The following N4BP2L2 variants were observed in gnomAD, a reference collection of about 807,000 sequenced individuals.
The protein encoded by N4BP2L2 is NEDD4 binding protein 2 like 2.
In N4BP2L2, 50 loss-of-function variants were observed where a neutral mutation model predicts 56.2. That is an observed-to-expected ratio of 0.89 (90% CI 0.71 to 1.13). N4BP2L2 has a LOEUF of 1.13. Among genes scored for constraint, N4BP2L2 ranks in the 50% most tolerant of loss-of-function variants. The pLI is 0.00. For synonymous variants in N4BP2L2, 203 were observed against 223.6 expected, an observed-to-expected ratio of 0.91 and a Z score of 0.82; for missense variants, 689 against 693.8, an observed-to-expected ratio of 0.99 and a Z score of 0.08.
At chr13:32,436,323 A>T in intron 9 of N4BP2L2, 1 of 962,924 alleles carries the variant, frequency 1.0e-6, no homozygotes, top group Non-Finnish European at 1.5e-6. Context: ...TAACTATTTT[A>T]TGATCAAACA....
rs749078055 is a variant in N4BP2L2 at position 32,536,695 on chromosome 13, G to A, written c.333C>T (p.Ser111=). Reference sequence around the variant, plus strand: ...TTGTGCTATATATCTCATCGTCTGCGGATACTAATGGAGGACGTGCTTCCT... The same window carrying A: ...TTGTGCTATATATCTCATCGTCTGCAGATACTAATGGAGGACGTGCTTCCT... The change falls in exon 2 of 6, where the codon TCC becomes TCT. Residue 111 remains serine, a synonymous_variant. Transcript: ENST00000267068. 1.9e-5 allele frequency: 30 copies of A among 1,613,868 alleles called. No individual in the cohort carries two copies. The East Asian group carries it at 2.7e-4, about 14-fold the overall frequency.
At chr13:32,511,737 A>G (rs2048181985) in exon 6 of N4BP2L2, 1 of 152,186 alleles carries the variant, frequency 6.6e-6, no homozygotes, top group East Asian at 1.9e-4. Flanking sequence ...CTTCATTAAG[A>G]ATGTTATGAG....
exon 6 of N4BP2L2, chr13:32,514,115 C>T (rs2048694597): frequency 1.3e-5 from 2 of 152,154 alleles, no homozygotes; most frequent in South Asian, 2.1e-4. Context: ...TTAAATCACC[C>T]ACTCCAACAA....
At chr13:32,444,950 A>T (rs2076812891) in intron 6 of N4BP2L2, among the ~76,000 whole-genome samples, 1 of 152,236 alleles carries the variant, frequency 6.6e-6, no homozygotes, top group African/African-American at 2.4e-5. Context: ...GTATTTGTGT[A>T]TATAAACATA....
intron 6 of N4BP2L2, among the ~76,000 whole-genome samples, chr13:32,497,731 C>T (rs1329466929): frequency 6.6e-6 from 1 of 152,198 alleles, no homozygotes; most frequent in Non-Finnish European, 1.5e-5. Flanking sequence ...ATGGCTTTGC[C>T]ACACCACTGC....
At chr13:32,446,652 C>G (rs1283578666) in intron 6 of N4BP2L2, 1 of 456,466 alleles carries the variant, frequency 2.2e-6, no homozygotes, top group Non-Finnish European at 2.9e-6. Flanking sequence ...CTCTACTGTA[C>G]AAAGAAAGAG....
At chr13:32,447,422 G>A (rs1220649487) in intron 6 of N4BP2L2, among the ~76,000 whole-genome samples, 1 of 152,162 alleles carries the variant, frequency 6.6e-6, no homozygotes, top group African/African-American at 2.4e-5. Context: ...ATGGGGTGGA[G>A]GCAGTGAGAA....
chr13:32,438,436 A>G (rs934191369), intron 8 of N4BP2L2, among the ~76,000 whole-genome samples: 1 of 152,198 alleles, frequency 6.6e-6, no homozygotes, highest in Non-Finnish European at 1.5e-5. Flanking sequence ...GAAAGCCATA[A>G]AAATATACCT....
chr13:32,525,452 A>C (rs1389894881), intron 3 of N4BP2L2: 1 of 152,186 alleles, frequency 6.6e-6, no homozygotes, highest in East Asian at 1.9e-4. Context: ...AACCATCCTC[A>C]GCCAGGCACT....
chr13:32,479,571 G>A (rs1323465610), intron 6 of N4BP2L2, among the ~76,000 whole-genome samples: 1 of 151,526 alleles, frequency 6.6e-6, no homozygotes, highest in Admixed American at 6.6e-5. Context: ...GTGAGCCACT[G>A]CGCCCCGCCA....
At chr13:32,477,964 T>C in intron 6 of N4BP2L2, 1 of 1,289,414 alleles carries the variant, frequency 7.8e-7, no homozygotes, top group Admixed American at 2.3e-5. Context: ...GGTCATGTCC[T>C]TGATTCCAGC....
At chr13:32,433,946 AAAAAG>A in intron 9 of N4BP2L2, among the ~76,000 whole-genome samples, 1 of 150,570 alleles carries the variant, frequency 6.6e-6, no homozygotes, top group African/African-American at 2.4e-5. Flanking sequence ...AAAAAAAAAA[AAAAAG>A]AAAAGAAAAG....
intron 6 of N4BP2L2, among the ~76,000 whole-genome samples, chr13:32,492,273 A>ATTTTTTTTTTTTTTTTTTTT (rs72053635): frequency 2.8e-5 from 2 of 72,128 alleles, no homozygotes; most frequent in African/African-American, 5.7e-5. Context: ...AAACACCAAA[A>ATTTTTTTTTTTTTTTTTTTT]TTTTTTTTTT....
At chr13:32,518,779 G>A (rs1028049750) in intron 5 of N4BP2L2, among the ~76,000 whole-genome samples, 1 of 152,120 alleles carries the variant, frequency 6.6e-6, no homozygotes, top group African/African-American at 2.4e-5. Context: ...CCATGACATG[G>A]GTGATAGCTA....
chr13:32,441,363 G>A (rs761531449), intron 7 of N4BP2L2, among the ~76,000 whole-genome samples: 1 of 152,128 alleles, frequency 6.6e-6, no homozygotes, highest in Non-Finnish European at 1.5e-5. Flanking sequence ...AAAGAGCCAC[G>A]TGTCAAACAA....
rs574839764 is a variant in N4BP2L2, at chr13:32,482,568, G to A, written c.365+35289C>T. On this transcript the variant is annotated intron_variant, in intron 6 of 9. Coordinates refer to the N4BP2L2 transcript ENST00000357505. ...TTTAGTAGAGACAGAGTTTCACCAT[G>A]TTGGCCAGGCTGGTCTCAAACTTCT... 1.8e-4 allele frequency among the ~76,000 whole-genome samples: 27 copies of A among 149,564 alleles called. No individual in the cohort carries two copies. In the East Asian group the frequency reaches 3.9e-3, roughly 22 times the overall value.
At chr13:32,527,925 C>T (rs556492116) in intron 2 of N4BP2L2, among the ~76,000 whole-genome samples, 2 of 152,226 alleles carry the variant, frequency 1.3e-5, no homozygotes, top group Non-Finnish European at 2.9e-5. Flanking sequence ...GCATGTGCCA[C>T]CATGCCTGGC....
chr13:32,461,715 A>G (rs955686646), intron 6 of N4BP2L2, among the ~76,000 whole-genome samples: 1 of 152,128 alleles, frequency 6.6e-6, no homozygotes, highest in South Asian at 2.1e-4. Flanking sequence ...TGATCCTCCT[A>G]TCTCAGCCTC....
At chr13:32,526,459 TATG>T (rs145779596) in intron 3 of N4BP2L2, among the ~76,000 whole-genome samples, 11,914 of 152,118 alleles carry the variant, frequency 0.078, 567 homozygotes, top group East Asian at 0.21. Context: ...ATGTATAAAG[TATG>T]ATGTCTAGAA....
Sources: gnomAD v4.1 joint callset for allele counts (sites outside exome capture counted in the v4.1 genomes callset) on GRCh38, gnomAD v4.1.1 for gene constraint, MANE v1.5 for transcripts, NCBI Gene and HGNC (gene_info 2026-07-23, HGNC 2026-07-21) for gene names.